The following MAN2B1 variants were observed in gnomAD, a reference collection of about 807,000 sequenced individuals.
MAN2B1 encodes the protein mannosidase alpha class 2B member 1, also known as lysosomal alpha-mannosidase.
A neutral mutation model predicts 127.5 loss-of-function variants in MAN2B1; 99 were observed. The observed-to-expected ratio is 0.78, with a 90% CI of 0.66 to 0.92. The LOEUF (loss-of-function observed/expected upper bound fraction) is 0.92, where lower values mean the gene tolerates loss of function less well. Among genes scored for constraint, MAN2B1 ranks in the 40% least tolerant of loss-of-function variants. The pLI is 0.00. For synonymous variants in MAN2B1, 573 were observed against 568.8 expected, an observed-to-expected ratio of 1.01 and a Z score of -0.11; for missense variants, 1,304 against 1,384.8, an observed-to-expected ratio of 0.94 and a Z score of 0.93.
Position 12,666,632 on chromosome 19 carries a change from T to C in MAN2B1, c.70A>G (p.Met24Val). ...AGCGGTGGCCGCAGGGCGCGGGACA[T>C]GGTCCAGGGGCCTGCTGAGTCCAGG... ...GCLDSAGPWT[M>V]SRALRPPLPP... Residue 24 changes from methionine to valine, a missense_variant, in exon 1 of 24, where the codon ATG (methionine) becomes GTG (valine). By Grantham distance (21) the Met-to-Val change is conservative. Coordinates refer to ENST00000456935, the MANE Select transcript of MAN2B1 (RefSeq NM_000528.4). The C allele has an allele frequency of 1.3e-6, 2 of 1,555,194 alleles. No individual in the cohort carries two copies. The highest frequency in any genetic ancestry group is 1.7e-6 in the Non-Finnish European group (2 of 1,149,560).
intron 14 of MAN2B1, among the ~76,000 whole-genome samples, chr19:12,653,899 G>A (rs902431591): frequency 6.6e-6 from 1 of 151,026 alleles, no homozygotes; most frequent in Non-Finnish European, 1.5e-5. Context: ...TTGTATTTTT[G>A]GTACAGACGA....
rs569187294 is a variant in MAN2B1, at chr19:12,649,427, G to A, written c.2269C>T (p.Arg757Trp). 22 of 1,602,380 alleles carry A rather than the reference G, an allele frequency of 1.4e-5. No individual in the cohort carries two copies. The East Asian group carries it at 1.8e-4, about 13-fold the overall frequency. The change falls in exon 19 of 24, where the codon CGG becomes TGG. Residue 757 changes from arginine (R) to tryptophan (W), a missense_variant and splice_region_variant. Coordinates refer to ENST00000456935, the MANE Select transcript of MAN2B1 (RefSeq NM_000528.4). Reference sequence around the variant, plus strand: ...AGTTTCCAGGTGGGTCGATAATCCCGCCTGGGGTTGGGGGTGAGCTGATCA... The same window carrying A: ...AGTTTCCAGGTGGGTCGATAATCCCACCTGGGGTTGGGGGTGAGCTGATCA... The part of the protein sequence containing the change: ...SNGREILERR[R>W]DYRPTWKLNQ...
chr19:12,655,326 C>T (rs546321189), intron 14 of MAN2B1, among the ~76,000 whole-genome samples: 10 of 152,184 alleles, frequency 6.6e-5, no homozygotes, highest in Middle Eastern at 3.2e-3. Flanking sequence ...GCCTGTTATT[C>T]TCTCCCCACC....
rs770441236 is a variant in MAN2B1, at chr19:12,646,632, C to T, written c.3024G>A (p.Glu1008=). 2.2e-5 allele frequency: 36 copies of T among 1,612,844 alleles called. No homozygotes were observed. The highest frequency in any genetic ancestry group is 3.0e-5 in the Non-Finnish European group (35 of 1,178,790). Residue 1008 remains glutamate, a synonymous_variant, in exon 24 of 24, where the codon GAG becomes GAA. Coordinates refer to ENST00000456935, the MANE Select transcript of MAN2B1 (RefSeq NM_000528.4). The stretch of plus-strand genomic sequence containing the variant: ...CATCCCAGCAGACCTAACCATCCAC[C>T]TCCTTCCATTGAACTGAGGCCAGGA... ...RTFLASVQWK[E]VDG
Position 12,663,169 on chromosome 19 carries a change from G to A in MAN2B1, c.909+148C>T, listed in dbSNP as rs138733310. The A allele has an allele frequency of 2.5e-3, 2,341 of 924,556 alleles. 32 individuals are homozygous for A. In the African/African-American group the frequency reaches 0.034, roughly 13 times the overall value. 57.3% of individuals were successfully genotyped at this position (924,556 alleles called of 1,614,324 possible). On this transcript the variant is annotated intron_variant, in intron 6 of 23. Coordinates refer to ENST00000456935, the MANE Select transcript of MAN2B1 (RefSeq NM_000528.4). Reference sequence around the variant, plus strand: ...GCAGAGGTTGCAGTGAGCCGAGATCGCACCACTGCACTCCAGCCTGGGTGA... The same window carrying A: ...GCAGAGGTTGCAGTGAGCCGAGATCACACCACTGCACTCCAGCCTGGGTGA...
At chr19:12,654,079 G>C (rs1599346678) in intron 14 of MAN2B1, among the ~76,000 whole-genome samples, 1 of 134,574 alleles carries the variant, frequency 7.4e-6, no homozygotes, top group African/African-American at 2.8e-5. Flanking sequence ...GTCTCACTCT[G>C]TTGCCCAGGC....
At position 12,664,986 on chromosome 19, in the gene MAN2B1, C is replaced by T. The variant is rs200048536; in HGVS notation, c.437-1G>A. 7 of 1,612,950 alleles carry T rather than the reference C, an allele frequency of 4.3e-6. No homozygotes were observed. The African/African-American group carries it at 6.7e-5, about 15-fold the overall frequency. On this transcript the variant is annotated splice_acceptor_variant, in intron 3 of 23. Coordinates refer to ENST00000456935, the MANE Select transcript of MAN2B1 (RefSeq NM_000528.4). LOFTEE classifies it high-confidence loss of function. ...CCACCATTGGCGAACTCCAGGCGCC[C>T]TGTGCCAGGACAGGCAAGGTCAGGG...
rs748152945 is a variant in MAN2B1, at chr19:12,655,829, C to T, written c.1695G>A (p.Leu565=). ...SDSQAHPPEL[L]FSASLPALGF... ...CCAGGGCGGGCAGTGAGGCTGAGAA[C>T]AGCAGCTCCGGAGGGTGCGCCTGGC... Residue 565 remains leucine (L), a synonymous_variant, in exon 14 of 24, where the codon CTG becomes CTA. Coordinates refer to ENST00000456935, the MANE Select transcript of MAN2B1 (RefSeq NM_000528.4). The T allele has an allele frequency of 3.2e-5, 51 of 1,613,704 alleles. No homozygotes were observed. The highest frequency in any genetic ancestry group is 4.1e-5 in the Non-Finnish European group (48 of 1,179,916).
At chr19:12,657,661 G>T in intron 10 of MAN2B1, 106 bp from the exon 11 acceptor site, 1 of 1,012,930 alleles carries the variant, frequency 9.9e-7, no homozygotes, top group Non-Finnish European at 1.5e-6. Context: ...GAGGCTTTAA[G>T]AAGGAACTCG....
chr19:12,663,057 G>T (rs180690158), intron 6 of MAN2B1, among the ~76,000 whole-genome samples: 1 of 151,950 alleles, frequency 6.6e-6, no homozygotes, highest in Admixed American at 6.6e-5. Flanking sequence ...CTTGAGCTCA[G>T]GAGTTTGAGA....
At chr19:12,655,588 A>G (rs1375205311) in intron 14 of MAN2B1, 106 bp downstream of exon 14, 5 of 1,131,516 alleles carry the variant, frequency 4.4e-6, no homozygotes, top group Non-Finnish European at 5.1e-6. Context: ...GAGTTGTGAC[A>G]GGAGGTCATA....
At position 12,649,355 on chromosome 19, in the gene MAN2B1, G is replaced by A. The variant is rs201600797; in HGVS notation, c.2341C>T (p.Arg781Trp). 3.9e-5 allele frequency: 63 copies of A among 1,613,288 alleles called. No homozygotes were observed. The highest frequency in any genetic ancestry group is 4.5e-5 in the East Asian group (2 of 44,878). Reference sequence around the variant, plus strand: ...GGGAGAGCTACCGTGATGTAAATCCGGGTGTTGACTGGATAGTAGTTTCCT... The same window carrying A: ...GGGAGAGCTACCGTGATGTAAATCCAGGTGTTGACTGGATAGTAGTTTCCT... ...VAGNYYPVNT[R>W]IYITDGNMQL... Residue 781 changes from arginine to tryptophan, a missense_variant, in exon 19 of 24, where the codon CGG (arginine) becomes TGG (tryptophan). Coordinates refer to ENST00000456935, the MANE Select transcript of MAN2B1 (RefSeq NM_000528.4).
At chr19:12,656,725 C>G in intron 12 of MAN2B1, 38 bp from the exon 13 acceptor site, 1 of 1,454,688 alleles carries the variant, frequency 6.9e-7, no homozygotes, top group Non-Finnish European at 9.7e-7. Context: ...TGGGTCACAG[C>G]AGGCCTTCTC....
chr19:12,647,566 C>A lies in MAN2B1; in HGVS notation c.2697G>T (p.Ser899=). The change falls in exon 22 of 24, where the codon TCG becomes TCT. Residue 899 remains serine, a synonymous_variant. Coordinates refer to ENST00000456935, the MANE Select transcript of MAN2B1 (RefSeq NM_000528.4). The surrounding 1 kb of genome is among the most constrained non-coding windows in gnomAD (Gnocchi z 4.9). The stretch of plus-strand genomic sequence containing the variant: ...AGCTGGCCAGCGTGAGCAGGTGCAC[C>A]GAGGGCGGCAGGTCCCTGCGCAGCC... ...FSGLRRDLPP[S]VHLLTLASWG... is the part of the protein sequence containing the mutation. 1 of 1,613,972 alleles carries A rather than the reference C, an allele frequency of 6.2e-7. No homozygotes were observed. The highest frequency in any genetic ancestry group is 1.1e-5 in the South Asian group (1 of 91,072).
At chr19:12,655,901 A>G (rs749064347) in intron 13 of MAN2B1, 22 bp from the exon 14 acceptor site, 3 of 1,609,758 alleles carry the variant, frequency 1.9e-6, no homozygotes, top group Non-Finnish European at 2.5e-6. Context: ...GAGGAGGGAA[A>G]CTGAGTCAAG....
Position 12,666,730 on chromosome 19 carries a change from C to T in MAN2B1, c.-29G>A, listed in dbSNP as rs574577864. 37 of 1,544,880 alleles carry T rather than the reference C, an allele frequency of 2.4e-5. No homozygotes were observed. In the Admixed American group the frequency reaches 3.0e-4, roughly 12 times the overall value. ...TCAGCAGCTTCCTCCTGGGGTTCCC[C>T]GGCCCTGGAAAGGCCGGGCAAACGC... On this transcript the variant is annotated 5_prime_UTR_variant, in exon 1 of 24. Transcript: ENST00000456935.
chr19:12,660,040 A>G (rs2145268126), intron 7 of MAN2B1, among the ~76,000 whole-genome samples: 1 of 152,242 alleles, frequency 6.6e-6, no homozygotes, highest in East Asian at 1.9e-4. Context: ...GCACACAGCC[A>G]CAGCCACAGG....
rs2023982599 is a variant in MAN2B1 at position 12,657,123 on chromosome 19, GC to G, written c.1420-68del. 1.4e-5 allele frequency: 13 copies of G among 948,126 alleles called. No individual in the cohort carries two copies. The East Asian group carries it at 3.1e-4, about 23-fold the overall frequency. 58.7% of individuals were successfully genotyped at this position (948,126 alleles called of 1,614,324 possible). On this transcript the variant is annotated intron_variant, in intron 11 of 23. Transcript: ENST00000456935. ...GGCCTGACTCCTCCCCTCTCCTCAG[GC>G]CCCGCCCCGTTCCGGTCTCTGTCCC...
intron 16 of MAN2B1, among the ~76,000 whole-genome samples, chr19:12,651,437 G>A (rs1027278013): frequency 6.6e-6 from 1 of 152,186 alleles, no homozygotes; most frequent in African/African-American, 2.4e-5. Context: ...TAGAAGAGGA[G>A]GTCCTGGGTG....
Sources: gnomAD v4.1 joint callset for allele counts (sites outside exome capture counted in the v4.1 genomes callset) on GRCh38, gnomAD v4.1.1 for gene constraint, Gnocchi (gnomAD v3.1) non-coding constraint, MANE v1.5 for transcripts, NCBI Gene and HGNC (gene_info 2026-07-23, HGNC 2026-07-21) for gene names.